The following STPG2 variants were observed in gnomAD, a reference collection of about 807,000 sequenced individuals.
STPG2 encodes the protein sperm tail PG-rich repeat containing 2, also known as sperm-tail PG-rich repeat-containing protein 2.
In STPG2, 56 loss-of-function variants were observed where a neutral mutation model predicts 54.2. That is an observed-to-expected ratio of 1.03 (90% confidence interval 0.83 to 1.29). The LOEUF (loss-of-function observed/expected upper bound fraction) is 1.29, where lower values mean the gene tolerates loss of function less well. Ranked by LOEUF, STPG2 falls within the 50% of genes most tolerant of loss-of-function variation. The pLI is 0.00. For missense variants in STPG2, 596 were observed against 544.9 expected, an observed-to-expected ratio of 1.09 and a Z score of -0.93; for synonymous variants, 200 against 181.8, an observed-to-expected ratio of 1.10 and a Z score of -0.81.
intron 9 of STPG2, among the ~76,000 whole-genome samples, chr4:97,802,783 T>C (rs1042426863): frequency 1.1e-4 from 17 of 152,052 alleles, no homozygotes; most frequent in African/African-American, 4.1e-4. Context: ...ATCAAGTAAA[T>C]ATTAAACCAC....
At chr4:97,743,839 A>G (rs1221882624) in intron 9 of STPG2, among the ~76,000 whole-genome samples, 1 of 151,620 alleles carries the variant, frequency 6.6e-6, no homozygotes, top group African/African-American at 2.4e-5. Context: ...AGGACATTTT[A>G]GATAGGAGTA....
At chr4:97,906,815 A>G (rs1239426621) in intron 8 of STPG2, among the ~76,000 whole-genome samples, 1 of 152,102 alleles carries the variant, frequency 6.6e-6, no homozygotes, top group African/African-American at 2.4e-5. Flanking sequence ...AAAATTCAAC[A>G]CCCCGTCAAA....
At chr4:97,775,272 A>G (rs1463399994) in intron 9 of STPG2, among the ~76,000 whole-genome samples, 1 of 152,176 alleles carries the variant, frequency 6.6e-6, no homozygotes, top group African/African-American at 2.4e-5. Context: ...TGAAGAGAAT[A>G]GGATAAAAAC....
At chr4:97,972,181 T>A (rs1278704635) in intron 7 of STPG2, 99 bp downstream of exon 7, 9 of 796,436 alleles carry the variant, frequency 1.1e-5, no homozygotes, top group South Asian at 3.3e-5. Flanking sequence ...TAATAACTAT[T>A]TGACATCCTT....
intron 9 of STPG2, among the ~76,000 whole-genome samples, chr4:97,808,191 G>C (rs1402270202): frequency 6.6e-6 from 1 of 151,900 alleles, no homozygotes; most frequent in Admixed American, 6.6e-5. Context: ...AAAGAAAACA[G>C]AGCAATGAAA....
In STPG2 at chr4:97,616,065, T is replaced by C. The variant is rs1422864761; in HGVS notation, c.1321-56948A>G. Among the ~76,000 whole-genome samples the C allele has an allele frequency of 7.4e-3, 523 of 70,230 alleles. 18 individuals carry two copies. Among genetic ancestry groups the C allele is most frequent in the African/African-American group, 0.025 (498 of 19,580 alleles). The allele number at this position is 70,230 out of a possible 152,430, so 46.1% of individuals were successfully genotyped here. On this transcript the variant is annotated intron_variant, in intron 10 of 10. Transcript: ENST00000295268. ...AAAAAAAAATACATATAAATATATA[T>C]ATATATATATATATATATATATATA...
intron 8 of STPG2, among the ~76,000 whole-genome samples, chr4:97,940,306 A>T (rs1732928368): frequency 2.0e-5 from 3 of 152,170 alleles, no homozygotes. Flanking sequence ...AGCATCTTGC[A>T]GAAGTTATCT....
chr4:97,496,719 A>G (rs1730618718), intron 4 of STPG2, among the ~76,000 whole-genome samples: 1 of 151,724 alleles, frequency 6.6e-6, no homozygotes, highest in Admixed American at 6.6e-5. Flanking sequence ...CCACAGAGCA[A>G]TATGTGTATC....
At chr4:97,757,832 A>C (rs1170896040) in intron 9 of STPG2, among the ~76,000 whole-genome samples, 1 of 152,206 alleles carries the variant, frequency 6.6e-6, no homozygotes, top group Non-Finnish European at 1.5e-5. Flanking sequence ...AAAATGTGTG[A>C]CTGTATCATT....
At chr4:98,009,051 C>G in intron 5 of STPG2, among the ~76,000 whole-genome samples, 1 of 125,186 alleles carries the variant, frequency 8.0e-6, no homozygotes, top group East Asian at 2.2e-4. Flanking sequence ...CCAGGTTTGT[C>G]AATTTTGTTT....
intron 10 of STPG2, among the ~76,000 whole-genome samples, chr4:97,700,344 C>A (rs1360312920): frequency 6.6e-6 from 1 of 152,196 alleles, no homozygotes; most frequent in African/African-American, 2.4e-5. Flanking sequence ...GGTCACTCAA[C>A]AAATGGGCCA....
At chr4:97,969,801 G>T (rs10023897) in intron 7 of STPG2, among the ~76,000 whole-genome samples, 59,322 of 152,006 alleles carry the variant, frequency 0.39, 11,703 homozygotes, top group Middle Eastern at 0.46. Flanking sequence ...AGTGTTGGAA[G>T]TTCTGGCCAG....
In STPG2 at chr4:98,106,541, GA is replaced by G. The variant is rs1433150056; in HGVS notation, c.501-478del. Among the ~76,000 whole-genome samples the G allele has an allele frequency of 1.8e-4, 28 of 152,172 alleles. 1 individual carries two copies. The highest frequency in any genetic ancestry group is 1.0e-3 in the Admixed American group (16 of 15,272). ...TTCAGACAACCTCAAGAAAGAATCAGAAACTAAATAAGCAGTGAGCAAGAGC... is the reference window on the plus strand; with the variant it reads ...TTCAGACAACCTCAAGAAAGAATCAGAACTAAATAAGCAGTGAGCAAGAGC... On this transcript the variant is annotated intron_variant, in intron 4 of 10. Transcript: ENST00000295268.
intron 9 of STPG2, among the ~76,000 whole-genome samples, chr4:97,774,235 T>C (rs1726306367): frequency 6.6e-6 from 1 of 152,182 alleles, no homozygotes; most frequent in South Asian, 2.1e-4. Flanking sequence ...CTCTTTATAT[T>C]ACTTTGTGGA....
At chr4:97,486,012 C>A (rs1247971960) in intron 4 of STPG2, among the ~76,000 whole-genome samples, 1 of 151,766 alleles carries the variant, frequency 6.6e-6, no homozygotes, top group Non-Finnish European at 1.5e-5. Flanking sequence ...GAAAATGGAT[C>A]CTCATCTCTA....
intron 9 of STPG2, among the ~76,000 whole-genome samples, chr4:97,801,438 T>C (rs1336398653): frequency 6.6e-6 from 1 of 152,168 alleles, no homozygotes; most frequent in Non-Finnish European, 1.5e-5. Context: ...AATACTACTA[T>C]CACATCATTC....
At chr4:97,992,921 A>G (rs186034794) in intron 5 of STPG2, among the ~76,000 whole-genome samples, 20 of 152,282 alleles carry the variant, frequency 1.3e-4, no homozygotes, top group African/African-American at 4.8e-4. Flanking sequence ...TGATTTGTGT[A>G]CAGTAATTTT....
At chr4:97,801,126 T>C (rs1233324349) in intron 9 of STPG2, among the ~76,000 whole-genome samples, 3 of 152,216 alleles carry the variant, frequency 2.0e-5, no homozygotes, top group African/African-American at 7.2e-5. Context: ...CCCCTTGTGC[T>C]TCCCGGGTGA....
intron 10 of STPG2, among the ~76,000 whole-genome samples, chr4:97,561,774 G>A (rs1732254760): frequency 6.6e-6 from 1 of 152,096 alleles, no homozygotes; most frequent in South Asian, 2.1e-4. Context: ...TATTTCTGGG[G>A]GCTAAGTTCT....
Sources: gnomAD v4.1 joint callset for allele counts (sites outside exome capture counted in the v4.1 genomes callset) on GRCh38, gnomAD v4.1.1 for gene constraint, MANE v1.5 for transcripts, NCBI Gene and HGNC (gene_info 2026-07-23, HGNC 2026-07-21) for gene names.